Variants in PHC3 observed in about 807,000 individuals in gnomAD.
PHC3 encodes polyhomeotic-like protein 3.
In PHC3, 13 loss-of-function variants were observed where a neutral mutation model predicts 107.4. That is an observed-to-expected ratio of 0.12 (90% CI 0.08 to 0.19). The LOEUF (loss-of-function observed/expected upper bound fraction) is 0.19. Ranked by LOEUF, PHC3 falls within the 10% of genes least tolerant of loss-of-function variation. The pLI is 1.00. For synonymous variants in PHC3, 456 were observed against 427.4 expected (o/e 1.07, Z -0.83); for missense variants, 992 against 1,210.9 (o/e 0.82, Z 2.68).
chr3:170,154,994 C>A (rs1335459499), intron 4 of PHC3, among the ~76,000 whole-genome samples: 3 of 152,216 alleles, frequency 2.0e-5, no homozygotes, highest in Non-Finnish European at 4.4e-5. Context: ...AAGACCCTGA[C>A]CAATCCTGTC....
chr3:170,126,931 T>G (rs889151645), intron 8 of PHC3, among the ~76,000 whole-genome samples: 3 of 147,826 alleles, frequency 2.0e-5, no homozygotes, highest in South Asian at 2.1e-4. Flanking sequence ...TTTTTTTTTG[T>G]TTGTTTTTAT....
At chr3:170,155,116 T>C (rs1726680982) in intron 4 of PHC3, among the ~76,000 whole-genome samples, 3 of 152,188 alleles carry the variant, frequency 2.0e-5, no homozygotes, top group Admixed American at 2.0e-4. Flanking sequence ...GAAACAAGTC[T>C]GCCAGAAAAA....
rs917829106 is a variant in PHC3, at chr3:170,089,266, C to A, written c.*7964G>T. 4 of 152,142 alleles carry A rather than the reference C, an allele frequency of 2.6e-5. No homozygotes were observed. The East Asian group carries it at 5.8e-4, about 22-fold the overall frequency. The allele number at this position is 152,142 out of a possible 1,614,324, so 9.4% of individuals were successfully genotyped here. On this transcript the variant is annotated 3_prime_UTR_variant, in exon 15 of 15. Transcript: ENST00000495893. ...GAATGTCAGTATCAACTGATGTTAA[C>A]AAGTAAAGCTTTGTCAACAGGAATT...
intron 1 of PHC3, among the ~76,000 whole-genome samples, chr3:170,180,272 C>T (rs908605225): frequency 1.3e-5 from 2 of 151,864 alleles, no homozygotes; most frequent in African/African-American, 4.8e-5. Context: ...ATAGGGAAAC[C>T]CTGTCTCTAC....
intron 14 of PHC3, among the ~76,000 whole-genome samples, chr3:170,098,505 G>T (rs1714946160): frequency 6.6e-6 from 1 of 152,098 alleles, no homozygotes; most frequent in Admixed American, 6.5e-5. Context: ...TCATCCTCTT[G>T]TTTATGTAAG....
chr3:170,180,001 G>C (rs182549104), intron 1 of PHC3, among the ~76,000 whole-genome samples: 1 of 152,138 alleles, frequency 6.6e-6, no homozygotes, highest in East Asian at 1.9e-4. Context: ...TCTATTCCAT[G>C]AAAAAACAAA....
chr3:170,154,400 T>G (rs1023172730), intron 4 of PHC3, among the ~76,000 whole-genome samples: 4 of 152,184 alleles, frequency 2.6e-5, no homozygotes, highest in African/African-American at 9.7e-5. Flanking sequence ...CTAGTTCAGG[T>G]TACTCTGCAG....
chr3:170,177,063 A>G (rs1730594234), intron 2 of PHC3: 1 of 330,710 alleles, frequency 3.0e-6, no homozygotes, highest in South Asian at 2.5e-5. Flanking sequence ...CAACTAAGTG[A>G]CTTCCTAGTT....
intron 8 of PHC3, among the ~76,000 whole-genome samples, chr3:170,126,522 A>T (rs1352822628): frequency 1.9e-4 from 15 of 80,722 alleles, no homozygotes; most frequent in Non-Finnish European, 2.9e-4. Context: ...ATATATATAT[A>T]TATATATTTT....
intron 12 of PHC3, 118 bp from the exon 13 acceptor site, chr3:170,103,052 AATGT>A: frequency 9.9e-7 from 1 of 1,014,846 alleles, no homozygotes; most frequent in Non-Finnish European, 1.4e-6. Flanking sequence ...ATCATTAATG[AATGT>A]AAGACCTCAT....
chr3:170,161,023 T>C (rs1432716572), intron 4 of PHC3, among the ~76,000 whole-genome samples: 2 of 152,236 alleles, frequency 1.3e-5, no homozygotes, highest in Non-Finnish European at 2.9e-5. Context: ...AAAAGAGCAT[T>C]AATATCATTA....
chr3:170,150,531 TAAAAAAAA>T (rs1168514834), intron 4 of PHC3: 1 of 74,116 alleles, frequency 1.3e-5, no homozygotes, highest in Non-Finnish European at 2.5e-5. Flanking sequence ...CTGTCTCTAC[TAAAAAAAA>T]AAAAAAAAAA....
At chr3:170,107,770 A>AT (rs1197845265) in intron 11 of PHC3, among the ~76,000 whole-genome samples, 1 of 152,118 alleles carries the variant, frequency 6.6e-6, no homozygotes, top group African/African-American at 2.4e-5. Flanking sequence ...CTAAGTTAGA[A>AT]TGTCCTTCTT....
chr3:170,122,851 G>T, intron 8 of PHC3, 107 bp from the exon 9 acceptor site: 1 of 1,286,980 alleles, frequency 7.8e-7, no homozygotes. Flanking sequence ...TTAAAAACAA[G>T]GCAAAAATGA....
chr3:170,177,753 C>G (rs1314425314), intron 2 of PHC3, among the ~76,000 whole-genome samples: 1 of 150,678 alleles, frequency 6.6e-6, no homozygotes, highest in Non-Finnish European at 1.5e-5. Flanking sequence ...TCATTGCAGC[C>G]TTGACCTCCT....
At chr3:170,161,537 G>C (rs1014179378) in intron 4 of PHC3, among the ~76,000 whole-genome samples, 1 of 152,186 alleles carries the variant, frequency 6.6e-6, no homozygotes, top group South Asian at 2.1e-4. Context: ...GCTCCTATGA[G>C]AATCTAATGC....
chr3:170,165,417 C>A (rs930099777), intron 4 of PHC3, among the ~76,000 whole-genome samples: 11 of 152,068 alleles, frequency 7.2e-5, no homozygotes, highest in Admixed American at 6.6e-5. Flanking sequence ...ACGAAAAGGA[C>A]AACCAATAGA....
At chr3:170,144,382 C>T (rs1252587477) in intron 6 of PHC3, among the ~76,000 whole-genome samples, 2 of 151,574 alleles carry the variant, frequency 1.3e-5, no homozygotes, top group Non-Finnish European at 2.9e-5. Context: ...TGTTTATCCA[C>T]TCAGCAGCTA....
intron 7 of PHC3, among the ~76,000 whole-genome samples, chr3:170,135,004 G>A (rs928968353): frequency 2.6e-5 from 4 of 152,160 alleles, no homozygotes; most frequent in African/African-American, 9.7e-5. Context: ...GGAAACTTGA[G>A]AAGTGAAATA....
Sources: gnomAD v4.1 joint callset for allele counts (sites outside exome capture counted in the v4.1 genomes callset) on GRCh38, gnomAD v4.1.1 for gene constraint, MANE v1.5 for transcripts, NCBI Gene and HGNC (gene_info 2026-07-23, HGNC 2026-07-21) for gene names.